The following CAMKMT variants were observed in gnomAD, a reference collection of about 807,000 sequenced individuals.
CAMKMT encodes CaM KMT.
In CAMKMT, 53 loss-of-function variants were observed where a neutral mutation model predicts 48.0. The observed-to-expected ratio is 1.10, with a 90% CI of 0.89 to 1.39. The LOEUF is 1.39. Ranked by LOEUF, CAMKMT falls within the 40% of genes most tolerant of loss-of-function variation. The pLI is 0.00. For synonymous variants in CAMKMT, 165 were observed against 152.3 expected (o/e 1.08, Z -0.61); for missense variants, 428 against 402.7 (o/e 1.06, Z -0.54).
intron 3 of CAMKMT, among the ~76,000 whole-genome samples, chr2:44,425,980 C>T (rs1335967328): frequency 2.6e-5 from 4 of 152,202 alleles, no homozygotes; most frequent in Non-Finnish European, 5.9e-5. Flanking sequence ...ATCCACCCGC[C>T]TTGGCCTCCC....
At chr2:44,720,345 A>C (rs533991189) in intron 7 of CAMKMT, among the ~76,000 whole-genome samples, 46 of 152,276 alleles carry the variant, frequency 3.0e-4, no homozygotes, top group African/African-American at 9.9e-4. Flanking sequence ...TCACTACCAA[A>C]AATAGGCCAG....
intron 3 of CAMKMT, among the ~76,000 whole-genome samples, chr2:44,493,982 A>G (rs994684037): frequency 6.6e-6 from 1 of 152,216 alleles, no homozygotes; most frequent in Non-Finnish European, 1.5e-5. Context: ...ATTTGGTTTC[A>G]TTTTTAACAC....
intron 3 of CAMKMT, among the ~76,000 whole-genome samples, chr2:44,687,544 A>G (rs751335770): frequency 1.3e-5 from 2 of 152,348 alleles, no homozygotes; most frequent in Non-Finnish European, 2.9e-5. Context: ...GTGGCCTCAC[A>G]GTTTGGACTG....
At chr2:44,459,926 G>C (rs754753314) in intron 3 of CAMKMT, among the ~76,000 whole-genome samples, 1 of 152,296 alleles carries the variant, frequency 6.6e-6, no homozygotes, top group East Asian at 1.9e-4. Flanking sequence ...AATAAGCTTG[G>C]AGTGTGATTC....
intron 3 of CAMKMT, among the ~76,000 whole-genome samples, chr2:44,530,228 TA>T (rs1666408531): frequency 6.6e-6 from 1 of 152,204 alleles, no homozygotes; most frequent in Non-Finnish European, 1.5e-5. Flanking sequence ...AAAAGCAAGT[TA>T]ATTACAAGGG....
intron 3 of CAMKMT, among the ~76,000 whole-genome samples, chr2:44,448,798 A>C (rs917477640): frequency 6.6e-6 from 1 of 152,214 alleles, no homozygotes; most frequent in African/African-American, 2.4e-5. Flanking sequence ...TATTTATTCA[A>C]TGGAATATTT....
At chr2:44,417,150 C>T (rs1006829771) in intron 3 of CAMKMT, among the ~76,000 whole-genome samples, 14 of 152,032 alleles carry the variant, frequency 9.2e-5, no homozygotes, top group African/African-American at 3.4e-4. Flanking sequence ...TATGGCCACA[C>T]TTTGGGAGGC....
intron 3 of CAMKMT, among the ~76,000 whole-genome samples, chr2:44,405,812 C>T (rs1289307734): frequency 1.3e-5 from 2 of 152,078 alleles, no homozygotes; most frequent in Admixed American, 6.5e-5. Flanking sequence ...GGATTGATAG[C>T]TCATGCCTAT....
chr2:44,686,151 T>C (rs1194522963), intron 3 of CAMKMT, among the ~76,000 whole-genome samples: 1 of 152,082 alleles, frequency 6.6e-6, no homozygotes, highest in Non-Finnish European at 1.5e-5. Flanking sequence ...CCCAGCACTT[T>C]GGGAGGCTGA....
intron 8 of CAMKMT, among the ~76,000 whole-genome samples, chr2:44,748,923 C>A (rs1053477397): frequency 6.6e-6 from 1 of 152,088 alleles, no homozygotes; most frequent in Non-Finnish European, 1.5e-5. Context: ...ATTCCTTTCT[C>A]GTTAATTCTT....
chr2:44,375,094 G>A (rs1679546662), intron 2 of CAMKMT, among the ~76,000 whole-genome samples: 2 of 152,052 alleles, frequency 1.3e-5, no homozygotes, highest in Non-Finnish European at 2.9e-5. Context: ...TCATGCCACT[G>A]CACTCCAGTT....
intron 3 of CAMKMT, among the ~76,000 whole-genome samples, chr2:44,440,810 G>T (rs574388056): frequency 9.2e-5 from 14 of 152,084 alleles, no homozygotes; most frequent in Non-Finnish European, 1.8e-4. Flanking sequence ...CGTAATTGTA[G>T]AACCTTTTAT....
At chr2:44,674,516 A>C (rs1675556216) in intron 3 of CAMKMT, among the ~76,000 whole-genome samples, 1 of 152,156 alleles carries the variant, frequency 6.6e-6, no homozygotes. Flanking sequence ...ATGCCTCCAC[A>C]CAATGAAAAC....
chr2:44,708,825 G>A (rs959236422), intron 6 of CAMKMT, among the ~76,000 whole-genome samples: 1 of 152,030 alleles, frequency 6.6e-6, no homozygotes, highest in African/African-American at 2.4e-5. Context: ...TAGAGGGTGG[G>A]GGGAGCAGGA....
At chr2:44,536,910 G>A (rs59592926) in intron 3 of CAMKMT, among the ~76,000 whole-genome samples, 1,852 of 152,030 alleles carry the variant, frequency 0.012, 31 homozygotes, top group African/African-American at 0.037. Flanking sequence ...ATATACATTA[G>A]TAGGACAGTC....
intron 3 of CAMKMT, among the ~76,000 whole-genome samples, chr2:44,511,865 A>G (rs1240092636): frequency 4.6e-5 from 7 of 152,044 alleles, no homozygotes; most frequent in African/African-American, 1.7e-4. Flanking sequence ...CCTATTTAAT[A>G]ATACTGCAAA....
At chr2:44,746,959 G>A (rs538217252) in intron 8 of CAMKMT, among the ~76,000 whole-genome samples, 53 of 152,110 alleles carry the variant, frequency 3.5e-4, no homozygotes, top group Non-Finnish European at 5.9e-4. Flanking sequence ...GTGTTTGAAC[G>A]GCCCTCCAGT....
intron 3 of CAMKMT, among the ~76,000 whole-genome samples, chr2:44,524,313 A>T (rs975700375): frequency 6.6e-6 from 1 of 152,094 alleles, no homozygotes; most frequent in Non-Finnish European, 1.5e-5. Flanking sequence ...AGCCAGTAAC[A>T]TTACTCCCCA....
At chr2:44,581,117 C>T (rs553840310) in intron 3 of CAMKMT, among the ~76,000 whole-genome samples, 2 of 152,062 alleles carry the variant, frequency 1.3e-5, no homozygotes, top group Non-Finnish European at 2.9e-5. Context: ...AGTCTGCAAA[C>T]TAGGCAGTGC....
Sources: gnomAD v4.1 joint callset for allele counts (sites outside exome capture counted in the v4.1 genomes callset) on GRCh38, gnomAD v4.1.1 for gene constraint, MANE v1.5 for transcripts, NCBI Gene and HGNC (gene_info 2026-07-23, HGNC 2026-07-21) for gene names.